CNTNAP2: variants seen among roughly 807,000 people sequenced by gnomAD.
The protein encoded by CNTNAP2 is contactin-associated protein-like 2.
Under a neutral mutation model 155.2 loss-of-function variants are expected in CNTNAP2, and 98 were observed. The ratio of observed to expected loss-of-function variants is 0.63; its 90% CI spans 0.54 to 0.75. The LOEUF (loss-of-function observed/expected upper bound fraction) is 0.75. Ranked by LOEUF, CNTNAP2 falls within the 30% of genes least tolerant of loss-of-function variation. CNTNAP2 has a pLI of 0.00. For synonymous variants in CNTNAP2, 651 were observed against 631.2 expected, an observed-to-expected ratio of 1.03 and a Z score of -0.47; for missense variants, 1,727 against 1,688.1, an observed-to-expected ratio of 1.02 and a Z score of -0.40.
chr7:148,208,783 C>G (rs1300548588), intron 18 of CNTNAP2, among the ~76,000 whole-genome samples: 1 of 152,142 alleles, frequency 6.6e-6, no homozygotes, highest in Non-Finnish European at 1.5e-5. Flanking sequence ...GACCTCTGAA[C>G]AGCATTCTAA....
intron 12 of CNTNAP2, among the ~76,000 whole-genome samples, chr7:147,622,666 G>A (rs1584861555): frequency 6.6e-6 from 1 of 152,002 alleles, no homozygotes; most frequent in East Asian, 1.9e-4. Flanking sequence ...AGCTATAACT[G>A]TCTACATCAA....
At chr7:146,843,612 AG>A (rs1451172712) in intron 3 of CNTNAP2, among the ~76,000 whole-genome samples, 1 of 151,352 alleles carries the variant, frequency 6.6e-6, no homozygotes, top group African/African-American at 2.4e-5. Flanking sequence ...AAAAAAAAAA[AG>A]AGTCCAATCC....
chr7:146,213,311 G>A (rs1174549401), intron 1 of CNTNAP2, among the ~76,000 whole-genome samples: 1 of 152,144 alleles, frequency 6.6e-6, no homozygotes, highest in Admixed American at 6.6e-5. Flanking sequence ...ACTTTTCTGA[G>A]TGGAAGCCTT....
intron 13 of CNTNAP2, among the ~76,000 whole-genome samples, chr7:147,817,787 C>A (rs1002475123): frequency 4.6e-5 from 7 of 151,530 alleles, no homozygotes; most frequent in African/African-American, 1.5e-4. Flanking sequence ...CGCCTGTAGT[C>A]CCAGCTACCT....
chr7:148,112,483 T>C (rs957199114), intron 15 of CNTNAP2, among the ~76,000 whole-genome samples: 3 of 151,818 alleles, frequency 2.0e-5, no homozygotes, highest in Admixed American at 1.3e-4. Context: ...TGCAGTGACA[T>C]GATCACAATT....
chr7:147,002,683 G>A (rs2129241397), intron 3 of CNTNAP2, among the ~76,000 whole-genome samples: 1 of 152,056 alleles, frequency 6.6e-6, no homozygotes, highest in African/African-American at 2.4e-5. Context: ...CAAAGTATGA[G>A]CAGATTCATT....
chr7:146,701,657 T>G (rs1200821063), intron 1 of CNTNAP2, among the ~76,000 whole-genome samples: 1 of 150,034 alleles, frequency 6.7e-6, no homozygotes, highest in Non-Finnish European at 1.5e-5. Flanking sequence ...TGTTAAATTT[T>G]TGTATATACA....
At chr7:147,269,568 C>T (rs998723178) in intron 8 of CNTNAP2, among the ~76,000 whole-genome samples, 4 of 152,134 alleles carry the variant, frequency 2.6e-5, no homozygotes, top group Non-Finnish European at 5.9e-5. Flanking sequence ...CAAACCAGGT[C>T]CCCTGGGTTT....
intron 9 of CNTNAP2, among the ~76,000 whole-genome samples, chr7:147,322,536 C>T (rs13241343): frequency 1.3e-5 from 2 of 151,598 alleles, no homozygotes; most frequent in Admixed American, 1.3e-4. Flanking sequence ...CTAAAATTCT[C>T]TTTTTTGGTT....
chr7:147,032,420 T>C (rs1480495706), intron 3 of CNTNAP2, among the ~76,000 whole-genome samples: 3 of 152,194 alleles, frequency 2.0e-5, no homozygotes, highest in Non-Finnish European at 4.4e-5. Flanking sequence ...AAGTGATATT[T>C]TCTTCATCAA....
chr7:147,355,065 T>C (rs1796039546), intron 9 of CNTNAP2, among the ~76,000 whole-genome samples: 1 of 152,032 alleles, frequency 6.6e-6, no homozygotes, highest in Admixed American at 6.6e-5. Context: ...TAATATAAAA[T>C]CATGTCTTCT....
rs1435993027 is a variant in CNTNAP2, at chr7:147,736,633, A to G, written c.2098+97327A>G. Among the ~76,000 whole-genome samples, 6 of 152,034 alleles carry G rather than the reference A, an allele frequency of 3.9e-5. No individual in the cohort carries two copies. The South Asian group carries it at 8.3e-4, about 21-fold the overall frequency. On this transcript the variant is annotated intron_variant, in intron 13 of 23. Coordinates refer to ENST00000361727, the MANE Select transcript of CNTNAP2 (RefSeq NM_014141.6). ...GCAGAGTGTTTTCCAACTTGGTTCC[A>G]TTCTTCCCGTCACTTTCAGGTACAC...
intron 10 of CNTNAP2, among the ~76,000 whole-genome samples, chr7:147,476,039 C>A (rs1798313942): frequency 6.6e-6 from 1 of 151,972 alleles, no homozygotes; most frequent in Non-Finnish European, 1.5e-5. Flanking sequence ...GATAATCTTA[C>A]CTGTTAAGCT....
chr7:146,210,559 C>A (rs1799018550), intron 1 of CNTNAP2, among the ~76,000 whole-genome samples: 1 of 152,142 alleles, frequency 6.6e-6, no homozygotes, highest in Admixed American at 6.5e-5. Flanking sequence ...CTGCCTTAGC[C>A]TCCCGAAGTG....
chr7:146,875,947 A>C (rs1204419277), intron 3 of CNTNAP2, among the ~76,000 whole-genome samples: 13 of 145,536 alleles, frequency 8.9e-5, no homozygotes, highest in African/African-American at 1.3e-4. Flanking sequence ...AAAAAAAAAA[A>C]AAAAAAAAAA....
At chr7:147,246,384 C>T (rs577311246) in intron 8 of CNTNAP2, among the ~76,000 whole-genome samples, 1 of 152,184 alleles carries the variant, frequency 6.6e-6, no homozygotes, top group African/African-American at 2.4e-5. Context: ...TTTCTCCAGG[C>T]TTCTATAACA....
At chr7:147,573,500 G>C (rs1449923859) in intron 12 of CNTNAP2, among the ~76,000 whole-genome samples, 1 of 152,160 alleles carries the variant, frequency 6.6e-6, no homozygotes, top group African/African-American at 2.4e-5. Context: ...CTCACTTGGT[G>C]TAGCTCTAGG....
chr7:147,748,797 G>T (rs901786444), intron 13 of CNTNAP2, among the ~76,000 whole-genome samples: 1 of 152,168 alleles, frequency 6.6e-6, no homozygotes, highest in African/African-American at 2.4e-5. Flanking sequence ...AATATTCTGT[G>T]TGATGGCAGG....
intron 8 of CNTNAP2, among the ~76,000 whole-genome samples, chr7:147,292,731 C>G (rs1322083417): frequency 6.6e-6 from 1 of 151,900 alleles, no homozygotes; most frequent in Non-Finnish European, 1.5e-5. Context: ...CCATCCATCC[C>G]TAAGATTCTA....
Sources: allele counts gnomAD v4.1 joint callset (sites outside exome capture counted in the v4.1 genomes callset), GRCh38; gene constraint gnomAD v4.1.1; transcripts MANE v1.5; gene names NCBI Gene and HGNC (gene_info 2026-07-23, HGNC 2026-07-21).